Variants in TRIM56 observed in about 807,000 individuals in gnomAD.
The protein encoded by TRIM56 is E3 ubiquitin-protein ligase TRIM56.
A neutral mutation model predicts 17.1 loss-of-function variants in TRIM56; 10 were observed. The observed-to-expected ratio is 0.58, with a 90% confidence interval of 0.36 to 0.99. The LOEUF (loss-of-function observed/expected upper bound fraction) is 0.99, where lower values mean the gene tolerates loss of function less well. Among genes scored for constraint, TRIM56 ranks in the 50% least tolerant of loss-of-function variants. TRIM56 has a pLI of 0.01. For synonymous variants in TRIM56, 503 were observed against 473.5 expected (o/e 1.06, Z -0.81); for missense variants, 923 against 1,052.3 (o/e 0.88, Z 1.70).
rs754932694 is a variant in TRIM56, at chr7:101,097,584, AC to A, written c.*8006del. 5 of 152,192 alleles carry A rather than the reference AC, an allele frequency of 3.3e-5. No individual in the cohort carries two copies. Among genetic ancestry groups the A allele is most frequent in the Non-Finnish European group, 7.3e-5 (5 of 68,046 alleles). 9.4% of individuals were successfully genotyped at this position (152,192 alleles called of 1,614,324 possible). A position where few individuals can be genotyped will look rare whatever the true frequency, so the allele number is the denominator to read the frequency against. ...GTACAGCAACATCAGACTAGATCTC[AC>A]CTGAGGTGCTGGGTGAGAAATCTTA... On this transcript the variant is annotated 3_prime_UTR_variant, in exon 3 of 3. Coordinates refer to ENST00000306085, the MANE Select transcript of TRIM56 (RefSeq NM_030961.3).
In TRIM56 at chr7:101,097,168, A is replaced by C. The variant is rs1337086767; in HGVS notation, c.*7588A>C. ...AGTCAAAAGTTTTGCAAGGAAACCG[A>C]TGAGGTTGCTGACCTGAGCTGGGCA... On this transcript the variant is annotated 3_prime_UTR_variant, in exon 3 of 3. Transcript: ENST00000306085. The C allele has an allele frequency of 6.6e-6, 1 of 152,208 alleles. No individual in the cohort carries two copies. The highest frequency in any genetic ancestry group is 1.5e-5 in the Non-Finnish European group (1 of 68,026). 9.4% of individuals were successfully genotyped at this position (152,208 alleles called of 1,614,324 possible).
rs1447497372 is a variant in TRIM56 at position 101,087,760 on chromosome 7, G to T, written c.448G>T (p.Val150Leu). 6.2e-6 allele frequency: 10 copies of T among 1,605,858 alleles called. No individual in the cohort carries two copies. The highest frequency in any genetic ancestry group is 8.5e-6 in the Non-Finnish European group (10 of 1,177,702). The change falls in exon 3 of 3, where the codon GTG (valine) becomes TTG (leucine). Residue 150 changes from valine to leucine, a missense_variant. Transcript: ENST00000306085. ...CCACACCCACCGCGTGGTGGACCTG[G>T]TGGGCTACAGGGCCGGGTGGTATGA... ...QTHTHRVVDLVGYRAGWYDEE... is the reference protein window; with the variant it reads ...QTHTHRVVDLLGYRAGWYDEE...
Position 101,085,577 on chromosome 7 carries a change from G to C in TRIM56, c.-165+6G>C, listed in dbSNP as rs1161436917. 6.6e-5 allele frequency: 10 copies of C among 152,434 alleles called. No individual in the cohort carries two copies. Among genetic ancestry groups the C allele is most frequent in the Admixed American group, 6.5e-4 (10 of 15,272 alleles). The allele number at this position is 152,434 out of a possible 1,614,324, so 9.4% of individuals were successfully genotyped here. ...TCAAGATCAGCTCTGGCTAGGTAAG[G>C]GGTGGGGGGCGGCACAGCTATAGGA... is the stretch of plus-strand genomic sequence containing the variant. On this transcript the variant is annotated splice_donor_region_variant and intron_variant, in intron 1 of 2. Transcript: ENST00000306085.
At position 101,097,654 on chromosome 7, in the gene TRIM56, G is replaced by GAGGTTTGGGA. The variant is rs72045054; in HGVS notation, c.*8075_*8084dup. On this transcript the variant is annotated 3_prime_UTR_variant, in exon 3 of 3. Coordinates refer to ENST00000306085, the MANE Select transcript of TRIM56 (RefSeq NM_030961.3). ...GCCTGTGTATAAAGACATTAGGAAG[G>GAGGTTTGGGA]AGGTTTGGGAGGGCAGCCTGACTTG... The GAGGTTTGGGA allele has an allele frequency of 0.74, 112,342 of 151,400 alleles. 42,594 individuals carry two copies. The highest frequency in any genetic ancestry group is 0.87 in the African/African-American group (35,981 of 41,304). The allele number at this position is 151,400 out of a possible 1,614,324, so 9.4% of individuals were successfully genotyped here.
Position 101,089,439 on chromosome 7 carries a change from G to T in TRIM56, c.2127G>T (p.Gly709=). The change falls in exon 3 of 3, where the codon GGG becomes GGT. Residue 709 remains glycine, a synonymous_variant. Coordinates refer to ENST00000306085, the MANE Select transcript of TRIM56 (RefSeq NM_030961.3). Reference sequence around the variant, plus strand: ...AGGTGGTGATCCTGGACCCGAAGGGGTCCCTCCTTGGAGACTTCCTGACAG... The same window carrying T: ...AGGTGGTGATCCTGGACCCGAAGGGTTCCCTCCTTGGAGACTTCCTGACAG... ...VNKVVILDPK[G]SLLGDFLTAY... 1 of 1,614,252 alleles carries T rather than the reference G, an allele frequency of 6.2e-7. No individual in the cohort carries two copies. Among genetic ancestry groups the T allele is most frequent in the South Asian group, 1.1e-5 (1 of 91,086 alleles).
rs764273365 is a variant in TRIM56 at position 101,088,539 on chromosome 7, G to A, written c.1227G>A (p.Gln409=). ...EPKTERQGGV[Q]PQAGDGAQTP... is the part of the protein sequence containing the mutation. ...AGACTGAGAGACAGGGTGGAGTCCA[G>A]CCCCAGGCTGGAGATGGAGCCCAGA... is the stretch of plus-strand genomic sequence containing the variant. Residue 409 remains glutamine, a synonymous_variant, in exon 3 of 3, where the codon CAG becomes CAA. Coordinates refer to ENST00000306085, the MANE Select transcript of TRIM56 (RefSeq NM_030961.3). The A allele has an allele frequency of 6.2e-7, 1 of 1,613,816 alleles. No individual in the cohort carries two copies. Among genetic ancestry groups the A allele is most frequent in the Non-Finnish European group, 8.5e-7 (1 of 1,179,864 alleles).
Position 101,095,462 on chromosome 7 carries a change from G to A in TRIM56, c.*5882G>A, listed in dbSNP as rs1222192665. ...GGGTAACTGGGAACCGTGTACTGTA[G>A]GGGATCGCACACCTTGGGGTGGAAA... On this transcript the variant is annotated 3_prime_UTR_variant, in exon 3 of 3. Transcript: ENST00000306085. The A allele has an allele frequency of 1.3e-5, 2 of 152,372 alleles. No homozygotes were observed. Among genetic ancestry groups the A allele is most frequent in the African/African-American group, 4.8e-5 (2 of 41,440 alleles). The allele number at this position is 152,372 out of a possible 1,614,324, so 9.4% of individuals were successfully genotyped here.
chr7:101,088,748 G>A lies in TRIM56; in HGVS notation c.1436G>A (p.Gly479Glu). The change falls in exon 3 of 3, where the codon GGG becomes GAG. Residue 479 changes from glycine (G) to glutamate (E), a missense_variant. Physicochemically the swap from Gly to Glu is moderately conservative, Grantham distance 98 (BLOSUM62 -2). This residue lies in a region of TRIM56 where 643 missense variants were observed against 665.6 expected (regional missense o/e 0.97). Transcript: ENST00000306085. ...SISREPSPALGPNLDGSGLLP... is the reference protein window; with the variant it reads ...SISREPSPALEPNLDGSGLLP... ...TCCCGGGAGCCCAGCCCAGCCCTGGGGCCGAATCTGGACGGCTCTGGCCTC... is the reference window on the plus strand; with the variant it reads ...TCCCGGGAGCCCAGCCCAGCCCTGGAGCCGAATCTGGACGGCTCTGGCCTC... 6.2e-7 allele frequency: 1 copy of A among 1,613,992 alleles called. No homozygotes were observed.
Position 101,089,324 on chromosome 7 carries a change from A to C in TRIM56, c.2012A>C (p.Tyr671Ser), listed in dbSNP as rs1162980916. The C allele has an allele frequency of 6.2e-7, 1 of 1,604,436 alleles. No homozygotes were observed. The highest frequency in any genetic ancestry group is 1.7e-5 in the Admixed American group (1 of 59,518). ...GGGCTGGGCCAGGTGGTTGGGGAGTACAAGGGGCCAGGCCTGCATGGCTGC... is the reference window on the plus strand; with the variant it reads ...GGGCTGGGCCAGGTGGTTGGGGAGTCCAAGGGGCCAGGCCTGCATGGCTGC... ...CDGLGQVVGE[Y>S]KGPGLHGCQP... is the part of the protein sequence containing the mutation. The change falls in exon 3 of 3, where the codon TAC becomes TCC. Residue 671 changes from tyrosine (Y) to serine (S), a missense_variant. Coordinates refer to ENST00000306085, the MANE Select transcript of TRIM56 (RefSeq NM_030961.3).
rs202076977 is a variant in TRIM56 at position 101,088,332 on chromosome 7, G to C, written c.1020G>C (p.Trp340Cys). 2.4e-5 allele frequency: 37 copies of C among 1,530,122 alleles called. No individual in the cohort carries two copies. In the East Asian group the frequency reaches 5.2e-4, roughly 22 times the overall value. 94.8% of individuals were successfully genotyped at this position (1,530,122 alleles called of 1,614,324 possible). A position where few individuals can be genotyped will look rare whatever the true frequency, so the allele number is the denominator to read the frequency against. Residue 340 changes from tryptophan to cysteine, a missense_variant, in exon 3 of 3, where the codon TGG becomes TGC. Trp to Cys is a radical substitution (Grantham distance 215, BLOSUM62 -2). Transcript: ENST00000306085. Reference protein sequence around the residue: ...QRLRQLQGCPWAPGPAPCLLP... With the variant: ...QRLRQLQGCPCAPGPAPCLLP... ...TCAGGCAGCTGCAGGGCTGCCCCTG[G>C]GCACCAGGCCCGGCCCCCTGCCTGC...
At position 101,091,367 on chromosome 7, in the gene TRIM56, C is replaced by T. The variant is rs921420037; in HGVS notation, c.*1787C>T. On this transcript the variant is annotated 3_prime_UTR_variant, in exon 3 of 3. Coordinates refer to ENST00000306085, the MANE Select transcript of TRIM56 (RefSeq NM_030961.3). The stretch of plus-strand genomic sequence containing the variant: ...AACAATGCAGGACATCATCAAAGTC[C>T]GGGTGGACACATTCCATTATCTACA... 5.9e-5 allele frequency: 10 copies of T among 170,086 alleles called. No homozygotes were observed. Among genetic ancestry groups the T allele is most frequent in the Non-Finnish European group, 1.0e-4 (8 of 78,566 alleles). 10.5% of individuals were successfully genotyped at this position (170,086 alleles called of 1,614,324 possible).
Position 101,089,607 on chromosome 7 carries a change from G to T in TRIM56, c.*27G>T, listed in dbSNP as rs1181563778. The T allele has an allele frequency of 1.3e-6, 2 of 1,585,998 alleles. No individual in the cohort carries two copies. The highest frequency in any genetic ancestry group is 2.3e-5 in the South Asian group (2 of 88,534). On this transcript the variant is annotated 3_prime_UTR_variant, in exon 3 of 3. Transcript: ENST00000306085. ...GGGGCTAGGACTAGGGTGAGAGGGAGTGGGGAGGGAGAGGGCAGGAAGGAG... is the reference window on the plus strand; with the variant it reads ...GGGGCTAGGACTAGGGTGAGAGGGATTGGGGAGGGAGAGGGCAGGAAGGAG...
Position 101,088,761 on chromosome 7 carries a change from C to T in TRIM56, c.1449C>T (p.Asp483=), listed in dbSNP as rs766966411. The T allele has an allele frequency of 3.0e-5, 49 of 1,613,880 alleles. No homozygotes were observed. Among genetic ancestry groups the T allele is most frequent in the South Asian group, 1.1e-4 (10 of 91,088 alleles). ...EPSPALGPNL[D]GSGLLPRPIF... ...GCCCAGCCCTGGGGCCGAATCTGGA[C>T]GGCTCTGGCCTCCTCCCCAGACCCA... is the stretch of plus-strand genomic sequence containing the variant. Residue 483 remains aspartate, a synonymous_variant, in exon 3 of 3, where the codon GAC becomes GAT. Coordinates refer to ENST00000306085, the MANE Select transcript of TRIM56 (RefSeq NM_030961.3).
chr7:101,093,766 G>A lies in TRIM56; in HGVS notation c.*4186G>A, dbSNP rs1335727018. On this transcript the variant is annotated 3_prime_UTR_variant, in exon 3 of 3. Coordinates refer to ENST00000306085, the MANE Select transcript of TRIM56 (RefSeq NM_030961.3). Reference sequence around the variant, plus strand: ...ACTCGCTTGAACCTGGGAGGCAGAGGGTGCAGCGAGCCGAGTTCACCCCAT... The same window carrying A: ...ACTCGCTTGAACCTGGGAGGCAGAGAGTGCAGCGAGCCGAGTTCACCCCAT... 6.6e-6 allele frequency: 1 copy of A among 152,128 alleles called. No individual in the cohort carries two copies. The highest frequency in any genetic ancestry group is 1.9e-4 in the East Asian group (1 of 5,196). 9.4% of individuals were successfully genotyped at this position (152,128 alleles called of 1,614,324 possible). A position where few individuals can be genotyped will look rare whatever the true frequency, so the allele number is the denominator to read the frequency against.
At position 101,088,629 on chromosome 7, in the gene TRIM56, G is replaced by A. The variant is rs199851854; in HGVS notation, c.1317G>A (p.Arg439=). Reference sequence around the variant, plus strand: ...GAGCCCAGACCTTGGAGGAGGACAGGGCCCAGACACCCCACGAGGATGGAG... The same window carrying A: ...GAGCCCAGACCTTGGAGGAGGACAGAGCCCAGACACCCCACGAGGATGGAG... ...EEGAQTLEED[R]AQTPHEDGGP... Residue 439 remains arginine, a synonymous_variant, in exon 3 of 3, where the codon AGG becomes AGA. Transcript: ENST00000306085. 4 of 1,613,740 alleles carry A rather than the reference G, an allele frequency of 2.5e-6. No homozygotes were observed. The Admixed American group carries it at 5.0e-5, about 20-fold the overall frequency.
chr7:101,097,511 T>C lies in TRIM56; in HGVS notation c.*7931T>C, dbSNP rs1301048823. The C allele has an allele frequency of 6.6e-6, 1 of 152,108 alleles. No homozygotes were observed. The highest frequency in any genetic ancestry group is 1.5e-5 in the Non-Finnish European group (1 of 68,028). The allele number at this position is 152,108 out of a possible 1,614,324, so 9.4% of individuals were successfully genotyped here. ...AAATGGATCAGGACAGGAGCAAAAA[T>C]AGATTTTCTAGAAACTGCAGACTCC... is the stretch of plus-strand genomic sequence containing the variant. On this transcript the variant is annotated 3_prime_UTR_variant, in exon 3 of 3. Coordinates refer to ENST00000306085, the MANE Select transcript of TRIM56 (RefSeq NM_030961.3).
rs988707613 is a variant in TRIM56 at position 101,092,058 on chromosome 7, G to A, written c.*2478G>A. The A allele has an allele frequency of 4.4e-5, 13 of 295,158 alleles. No homozygotes were observed. Among genetic ancestry groups the A allele is most frequent in the Non-Finnish European group, 7.1e-5 (11 of 154,428 alleles). 18.3% of individuals were successfully genotyped at this position (295,158 alleles called of 1,614,324 possible). A position where few individuals can be genotyped will look rare whatever the true frequency, so the allele number is the denominator to read the frequency against. On this transcript the variant is annotated 3_prime_UTR_variant, in exon 3 of 3. Coordinates refer to ENST00000306085, the MANE Select transcript of TRIM56 (RefSeq NM_030961.3). ...GCCAGCCTCGGCCTCCGGAGGTGCC[G>A]GGATTGCAGACGGAGTCTCGTTCAC...
In TRIM56 at chr7:101,087,320, C is replaced by T; in HGVS notation, c.8C>T (p.Ser3Phe). 6.2e-7 allele frequency: 1 copy of T among 1,611,302 alleles called. No individual in the cohort carries two copies. Reference sequence around the variant, plus strand: ...GACGCCTCTGCCTGCAGCATGGTTTCCCACGGGTCCTCGCCCTCCCTCCTG... The same window carrying T: ...GACGCCTCTGCCTGCAGCATGGTTTTCCACGGGTCCTCGCCCTCCCTCCTG... The part of the protein sequence containing the change: MV[S>F]HGSSPSLLEA... Residue 3 changes from serine to phenylalanine, a missense_variant, in exon 3 of 3, where the codon TCC becomes TTC. Physicochemically the swap from Ser to Phe is radical, Grantham distance 155. Coordinates refer to ENST00000306085, the MANE Select transcript of TRIM56 (RefSeq NM_030961.3).
In TRIM56 at chr7:101,089,257, G is replaced by A. The variant is rs943220664; in HGVS notation, c.1945G>A (p.Val649Met). The A allele has an allele frequency of 5.0e-6, 8 of 1,611,946 alleles. No individual in the cohort carries two copies. The highest frequency in any genetic ancestry group is 1.1e-5 in the South Asian group (1 of 90,928). ...GACCACCAGCCCCCAGGGGCATTTC[G>A]TGGGGTCGGACTGGCAGCAGAATAG... is the stretch of plus-strand genomic sequence containing the variant. Reference protein sequence around the residue: ...FLTTSPQGHFVGSDWQQNSVV... With the variant: ...FLTTSPQGHFMGSDWQQNSVV... Residue 649 changes from valine to methionine, a missense_variant, in exon 3 of 3, where the codon GTG (valine) becomes ATG (methionine). Around this residue, in one of 3 missense-constraint regions of TRIM56, gnomAD observed 182 missense variants for 243.1 expected, o/e 0.75. Coordinates refer to ENST00000306085, the MANE Select transcript of TRIM56 (RefSeq NM_030961.3).
Sources: allele counts gnomAD v4.1 joint callset, GRCh38; gene constraint gnomAD v4.1.1; regional missense constraint gnomAD v4.1.1; transcripts MANE v1.5; gene names NCBI Gene and HGNC (gene_info 2026-07-23, HGNC 2026-07-21).